Variants in DEPTOR observed in about 807,000 individuals in gnomAD.
DEPTOR encodes DEP domain-containing mTOR-interacting protein.
A neutral mutation model predicts 41.6 loss-of-function variants in DEPTOR; 41 were observed. The observed-to-expected ratio is 0.98, with a 90% CI of 0.77 to 1.28. The LOEUF is 1.28. Ranked by LOEUF, DEPTOR falls within the 50% of genes most tolerant of loss-of-function variation. The pLI, the probability that DEPTOR is intolerant of heterozygous loss-of-function variation, is 0.00. For missense variants in DEPTOR, 514 were observed against 527.9 expected, an observed-to-expected ratio of 0.97 and a Z score of 0.26; for synonymous variants, 195 against 192.3, an observed-to-expected ratio of 1.01 and a Z score of -0.12.
intron 1 of DEPTOR, among the ~76,000 whole-genome samples, chr8:119,888,013 A>G (rs76658037): frequency 0.019 from 2,820 of 152,056 alleles, 86 homozygotes; most frequent in African/African-American, 0.063. Flanking sequence ...TAGAGTCGAC[A>G]TCTCACTGTA....
intron 3 of DEPTOR, among the ~76,000 whole-genome samples, chr8:119,945,596 G>A (rs1828261231): frequency 1.3e-5 from 2 of 152,136 alleles, no homozygotes; most frequent in Admixed American, 6.6e-5. Context: ...CCACAATTCT[G>A]CATTAAAAAT....
chr8:120,018,092 G>C (rs1812639690), intron 8 of DEPTOR, among the ~76,000 whole-genome samples: 1 of 152,032 alleles, frequency 6.6e-6, no homozygotes, highest in Non-Finnish European at 1.5e-5. Flanking sequence ...CTTTCCCTCT[G>C]ATGGCAACAT....
At chr8:119,921,513 G>A (rs1827893290) in intron 1 of DEPTOR, among the ~76,000 whole-genome samples, 1 of 152,112 alleles carries the variant, frequency 6.6e-6, no homozygotes, top group South Asian at 2.1e-4. Context: ...CCGGTGACAT[G>A]TCTAAAAATA....
intron 1 of DEPTOR, among the ~76,000 whole-genome samples, chr8:119,891,431 C>T (rs999656945): frequency 6.6e-6 from 1 of 152,130 alleles, no homozygotes; most frequent in African/African-American, 2.4e-5. Context: ...GATATTAAGG[C>T]ACAGCAATGT....
intron 4 of DEPTOR, among the ~76,000 whole-genome samples, chr8:119,984,816 TG>T (rs1178231543): frequency 6.6e-6 from 1 of 152,220 alleles, no homozygotes; most frequent in Non-Finnish European, 1.5e-5. Flanking sequence ...ATGATATTTC[TG>T]GTTCTAGATC....
At chr8:119,967,753 C>CAAAA (rs369574750) in intron 4 of DEPTOR, among the ~76,000 whole-genome samples, 28 of 85,086 alleles carry the variant, frequency 3.3e-4, no homozygotes, top group Non-Finnish European at 4.5e-4. Context: ...GACTTCGTCC[C>CAAAA]AAAAAAAAAA....
At chr8:120,019,907 C>T (rs1812672571) in intron 8 of DEPTOR, among the ~76,000 whole-genome samples, 1 of 152,136 alleles carries the variant, frequency 6.6e-6, no homozygotes, top group South Asian at 2.1e-4. Flanking sequence ...CTAACCTCAT[C>T]TAAGTCACTG....
intron 8 of DEPTOR, among the ~76,000 whole-genome samples, chr8:120,015,933 G>A (rs984472179): frequency 1.3e-5 from 2 of 152,146 alleles, no homozygotes; most frequent in South Asian, 4.1e-4. Context: ...GGTGGGGGCG[G>A]CCATGTTGCC....
chr8:119,906,312 C>T (rs762027442), intron 1 of DEPTOR, among the ~76,000 whole-genome samples: 10 of 134,984 alleles, frequency 7.4e-5, no homozygotes, highest in Non-Finnish European at 1.6e-4. Flanking sequence ...AAAAAAAAGC[C>T]GGGTATGGTG....
At chr8:120,020,892 C>G (rs1812695027) in intron 8 of DEPTOR, among the ~76,000 whole-genome samples, 1 of 151,572 alleles carries the variant, frequency 6.6e-6, no homozygotes, top group Admixed American at 6.6e-5. Context: ...AACGCTGTCT[C>G]TACTAAAAAT....
chr8:119,920,536 G>T (rs1488523216), intron 1 of DEPTOR, among the ~76,000 whole-genome samples: 1 of 152,190 alleles, frequency 6.6e-6, no homozygotes, highest in East Asian at 1.9e-4. Context: ...TTGAAGGCAG[G>T]AAGAAGGAGC....
At chr8:119,897,132 C>T (rs1356200151) in intron 1 of DEPTOR, among the ~76,000 whole-genome samples, 1 of 152,072 alleles carries the variant, frequency 6.6e-6, no homozygotes, top group Non-Finnish European at 1.5e-5. Context: ...TTTAGGTTCT[C>T]GAAGAGTTTC....
At chr8:120,019,928 C>T (rs1231005718) in intron 8 of DEPTOR, among the ~76,000 whole-genome samples, 2 of 152,106 alleles carry the variant, frequency 1.3e-5, no homozygotes, top group African/African-American at 2.4e-5. Context: ...CCACACTGCT[C>T]GTTACTGAGG....
intron 8 of DEPTOR, among the ~76,000 whole-genome samples, chr8:120,027,426 C>T (rs1418463543): frequency 2.6e-5 from 4 of 151,698 alleles, no homozygotes; most frequent in African/African-American, 4.8e-5. Context: ...AATTCTAGGC[C>T]GGGCTCAGTG....
chr8:120,045,281 A>G lies in DEPTOR; in HGVS notation c.1102-4295A>G, dbSNP rs557364968. Among the ~76,000 whole-genome samples the G allele has an allele frequency of 2.0e-5, 3 of 152,354 alleles. 1 individual carries two copies. The South Asian group carries it at 6.2e-4, about 32-fold the overall frequency. ...TTTATGAAAGAGTGAATTAGTCACA[A>G]ACTTTGGCATTTGAGAAATGTGTGT... On this transcript the variant is annotated intron_variant, in intron 8 of 8. Transcript: ENST00000286234.
chr8:119,875,197 T>C (rs1203515087), intron 1 of DEPTOR, among the ~76,000 whole-genome samples: 1 of 152,092 alleles, frequency 6.6e-6, no homozygotes, highest in Non-Finnish European at 1.5e-5. Flanking sequence ...GCGGTGCCCG[T>C]GTGAAGAGAC....
intron 6 of DEPTOR, among the ~76,000 whole-genome samples, chr8:120,005,899 CT>C (rs1379461101): frequency 5.9e-5 from 9 of 152,104 alleles, no homozygotes; most frequent in African/African-American, 2.2e-4. Flanking sequence ...CTTCTAGACC[CT>C]TTCTTTTGCT....
intron 1 of DEPTOR, among the ~76,000 whole-genome samples, chr8:119,901,570 G>A (rs370402676): frequency 1.3e-5 from 2 of 152,058 alleles, no homozygotes; most frequent in East Asian, 3.9e-4. Flanking sequence ...CAACTACTTG[G>A]GAAGCTGAGG....
At chr8:120,039,040 C>A (rs558749067) in intron 8 of DEPTOR, among the ~76,000 whole-genome samples, 1 of 152,272 alleles carries the variant, frequency 6.6e-6, no homozygotes, top group East Asian at 1.9e-4. Context: ...AATGTTTACA[C>A]CCCCTCCAAA....
Sources: gnomAD v4.1 joint callset for allele counts (sites outside exome capture counted in the v4.1 genomes callset) on GRCh38, gnomAD v4.1.1 for gene constraint, MANE v1.5 for transcripts, NCBI Gene and HGNC (gene_info 2026-07-23, HGNC 2026-07-21) for gene names.